The following CNTN5 variants were observed in gnomAD, a reference collection of about 807,000 sequenced individuals.
CNTN5 encodes contactin-5.
CNTN5 carries 77 observed loss-of-function variants against 129.1 expected under a neutral mutation model. The ratio of observed to expected loss-of-function variants is 0.60; its 90% CI spans 0.50 to 0.72. The LOEUF is 0.72. CNTN5 is among the 30% of genes least tolerant of loss of function. CNTN5 has a pLI of 0.00. For synonymous variants in CNTN5, 509 were observed against 465.6 expected (o/e 1.09, Z -1.20); for missense variants, 1,478 against 1,328.8 (o/e 1.11, Z -1.75).
At chr11:99,312,970 A>T (rs1441678079) in intron 1 of CNTN5, among the ~76,000 whole-genome samples, 1 of 152,104 alleles carries the variant, frequency 6.6e-6, no homozygotes, top group Non-Finnish European at 1.5e-5. Context: ...AGTGGTTTTA[A>T]TAGAACGAGC....
At chr11:100,140,956 C>T (rs940537269) in intron 13 of CNTN5, among the ~76,000 whole-genome samples, 1 of 152,124 alleles carries the variant, frequency 6.6e-6, no homozygotes, top group Non-Finnish European at 1.5e-5. Context: ...AGCTGCCATC[C>T]TTATGGGCAT....
Position 99,116,486 on chromosome 11 carries a change from G to A in CNTN5, c.-210+95216G>A, listed in dbSNP as rs192655044. ...AGCTGACATTGTTTTATTTTAAGGC[G>A]TTTGGATGTTGATTTCCTATTCTCA... On this transcript the variant is annotated intron_variant, in intron 1 of 24. Coordinates refer to ENST00000524871, the MANE Select transcript of CNTN5 (RefSeq NM_014361.4). Among the ~76,000 whole-genome samples, 173 of 152,118 alleles carry A rather than the reference G, an allele frequency of 1.1e-3. 2 individuals carry two copies. The highest frequency in any genetic ancestry group is 4.4e-4 in the Non-Finnish European group (30 of 67,986).
At chr11:99,359,451 A>T (rs563948103) in intron 2 of CNTN5, among the ~76,000 whole-genome samples, 2 of 152,124 alleles carry the variant, frequency 1.3e-5, no homozygotes, top group African/African-American at 4.8e-5. Flanking sequence ...GGACACAAAC[A>T]TTCAGACCAT....
intron 6 of CNTN5, among the ~76,000 whole-genome samples, chr11:99,897,477 A>G (rs1408031202): frequency 6.6e-6 from 1 of 152,028 alleles, no homozygotes; most frequent in Non-Finnish European, 1.5e-5. Context: ...AAGCCAAAAG[A>G]GGTTGGTGTT....
At chr11:99,895,435 C>G (rs1771570298) in intron 6 of CNTN5, among the ~76,000 whole-genome samples, 1 of 152,174 alleles carries the variant, frequency 6.6e-6, no homozygotes, top group Non-Finnish European at 1.5e-5. Context: ...TGGCTAGACC[C>G]AGATAGTGCC....
intron 13 of CNTN5, among the ~76,000 whole-genome samples, chr11:100,113,283 A>G (rs1945714757): frequency 1.3e-5 from 2 of 151,690 alleles, no homozygotes; most frequent in Admixed American, 1.3e-4. Context: ...TTACATTTTA[A>G]GAGCAAAATG....
At chr11:100,144,739 T>TC (rs1297167653) in intron 13 of CNTN5, among the ~76,000 whole-genome samples, 1 of 151,940 alleles carries the variant, frequency 6.6e-6, no homozygotes, top group Non-Finnish European at 1.5e-5. Context: ...TGAGGAATTT[T>TC]TTTTTTTTTG....
intron 2 of CNTN5, among the ~76,000 whole-genome samples, chr11:99,403,760 T>G (rs1366739157): frequency 6.6e-6 from 1 of 152,196 alleles, no homozygotes; most frequent in Admixed American, 6.5e-5. Flanking sequence ...TTAAGACTTG[T>G]TTTGTGACTT....
intron 3 of CNTN5, among the ~76,000 whole-genome samples, chr11:99,566,856 G>A (rs1949022123): frequency 6.6e-6 from 1 of 152,052 alleles, no homozygotes; most frequent in Non-Finnish European, 1.5e-5. Flanking sequence ...TTGGTTGGAG[G>A]TTTTTGAAAA....
At chr11:100,302,326 G>A (rs1189545743) in intron 20 of CNTN5, among the ~76,000 whole-genome samples, 1 of 151,552 alleles carries the variant, frequency 6.6e-6, no homozygotes, top group Non-Finnish European at 1.5e-5. Flanking sequence ...TGTTCATACA[G>A]CTTCACAGTG....
intron 1 of CNTN5, among the ~76,000 whole-genome samples, chr11:99,225,371 T>C (rs985044249): frequency 6.6e-6 from 1 of 152,202 alleles, no homozygotes; most frequent in East Asian, 1.9e-4. Flanking sequence ...TGTTTCTTTA[T>C]TGGCCTTTTT....
intron 13 of CNTN5, among the ~76,000 whole-genome samples, chr11:100,165,087 G>T (rs562876473): frequency 6.6e-6 from 1 of 151,854 alleles, no homozygotes; most frequent in Non-Finnish European, 1.5e-5. Context: ...TTGGGTAAAG[G>T]AAGAGGAGAT....
chr11:99,611,644 T>G (rs1038384012), intron 3 of CNTN5, among the ~76,000 whole-genome samples: 2 of 152,158 alleles, frequency 1.3e-5, no homozygotes, highest in Admixed American at 1.3e-4. Flanking sequence ...TTTCAACTCT[T>G]TCATGATTCA....
chr11:99,542,997 G>T (rs1948166302), intron 2 of CNTN5, among the ~76,000 whole-genome samples: 1 of 152,144 alleles, frequency 6.6e-6, no homozygotes, highest in African/African-American at 2.4e-5. Flanking sequence ...TCAGTTGAAG[G>T]CCTTGTGTTG....
rs146286606 is a variant in CNTN5, at chr11:100,025,383, G to A, written c.980+23247G>A. On this transcript the variant is annotated intron_variant, in intron 9 of 24. Transcript: ENST00000524871. ...CAGGCAGAGGTGTGCTGCAGGGCTTGAGCTTTCATGGAGAACCTATGCTGG... is the reference window on the plus strand; with the variant it reads ...CAGGCAGAGGTGTGCTGCAGGGCTTAAGCTTTCATGGAGAACCTATGCTGG... Among the ~76,000 whole-genome samples, 176 of 152,356 alleles carry A rather than the reference G, an allele frequency of 1.2e-3. 1 individual carries two copies. Among genetic ancestry groups the A allele is most frequent in the African/African-American group, 4.1e-3 (171 of 41,586 alleles).
chr11:99,112,801 A>C (rs896451395), intron 1 of CNTN5, among the ~76,000 whole-genome samples: 3 of 152,092 alleles, frequency 2.0e-5, no homozygotes, highest in African/African-American at 7.2e-5. Context: ...AGCAGATGGT[A>C]ATCACTGAAA....
intron 1 of CNTN5, among the ~76,000 whole-genome samples, chr11:99,025,497 T>TAA (rs1237794585): frequency 1.3e-4 from 20 of 151,924 alleles, no homozygotes; most frequent in South Asian, 4.1e-4. Context: ...TCATCTTCCA[T>TAA]TACTATCCAG....
rs1861150563 is a variant in CNTN5, at chr11:99,234,198, C to T, written c.-209-91148C>T. The stretch of plus-strand genomic sequence containing the variant: ...CATGTAGATTTACAAATAAAAATTG[C>T]CAATATCATGGAACTAGAGAGTGAG... On this transcript the variant is annotated intron_variant, in intron 1 of 24. Coordinates refer to ENST00000524871, the MANE Select transcript of CNTN5 (RefSeq NM_014361.4). Among the ~76,000 whole-genome samples the T allele has an allele frequency of 2.0e-5, 3 of 151,878 alleles. 1 individual carries two copies. Among genetic ancestry groups the T allele is most frequent in the South Asian group, 4.2e-4 (2 of 4,818 alleles).
chr11:100,170,815 A>G (rs1348291974), intron 13 of CNTN5, among the ~76,000 whole-genome samples: 2 of 151,968 alleles, frequency 1.3e-5, no homozygotes, highest in East Asian at 3.9e-4. Context: ...AGGAAAAAAA[A>G]AGAATACACT....
Sources: gnomAD v4.1 joint callset for allele counts (sites outside exome capture counted in the v4.1 genomes callset) on GRCh38, gnomAD v4.1.1 for gene constraint, MANE v1.5 for transcripts, NCBI Gene and HGNC (gene_info 2026-07-23, HGNC 2026-07-21) for gene names.